The following XKR9 variants were observed in gnomAD, a reference collection of about 807,000 sequenced individuals.
The protein encoded by XKR9 is XK related 9.
A neutral mutation model predicts 32.0 loss-of-function variants in XKR9; 32 were observed. The observed-to-expected ratio is 1.00, with a 90% CI of 0.76 to 1.34. The LOEUF (loss-of-function observed/expected upper bound fraction) is 1.34. Ranked by LOEUF, XKR9 falls within the 40% of genes most tolerant of loss-of-function variation. The probability of loss-of-function intolerance (pLI) is 0.00; values close to 1 mark genes in which losing one functional copy is unlikely to be tolerated. For synonymous variants in XKR9, 168 were observed against 143.4 expected, an observed-to-expected ratio of 1.17 and a Z score of -1.22; for missense variants, 546 against 429.7, an observed-to-expected ratio of 1.27 and a Z score of -2.39.
At chr8:70,899,915 G>A in the XKR9 span, among the ~76,000 whole-genome samples, 2 of 152,032 alleles carry the variant, frequency 1.3e-5, no homozygotes, top group African/African-American at 4.8e-5. Context: ...TTTTTTGAGA[G>A]TATCTGTAGA....
the XKR9 span, among the ~76,000 whole-genome samples, chr8:70,992,150 T>C: frequency 4.3e-4 from 65 of 152,344 alleles, no homozygotes; most frequent in African/African-American, 1.5e-3. Flanking sequence ...TTAGCTAGAG[T>C]TGATAGAGTT....
At chr8:70,785,440 A>G in intron 2 of XKR9, among the ~76,000 whole-genome samples, 1 of 151,714 alleles carries the variant, frequency 6.6e-6, no homozygotes, top group East Asian at 1.9e-4. Context: ...ATCTTTTTAA[A>G]AAATCAACTC....
At chr8:70,736,769 G>C (rs1392400965), downstream of XKR9, among the ~76,000 whole-genome samples, 3 of 151,886 alleles carry the variant, frequency 2.0e-5, no homozygotes, top group African/African-American at 7.3e-5. Context: ...TCAAAGATCA[G>C]ATAGTTGTAG....
At chr8:70,878,409 C>T in the XKR9 span, among the ~76,000 whole-genome samples, 1 of 151,974 alleles carries the variant, frequency 6.6e-6, no homozygotes, top group African/African-American at 2.4e-5. Context: ...TTCAGGAGAC[C>T]CACCTACGTG....
chr8:70,671,374 G>A (rs1469913589), intron 1 of XKR9, among the ~76,000 whole-genome samples: 2 of 54,680 alleles, frequency 3.7e-5, no homozygotes, highest in East Asian at 2.2e-4. Flanking sequence ...GGGTACATGT[G>A]CACATTGTGC....
At chr8:70,719,134 T>C (rs1215644540) in intron 4 of XKR9, among the ~76,000 whole-genome samples, 1 of 152,190 alleles carries the variant, frequency 6.6e-6, no homozygotes, top group Non-Finnish European at 1.5e-5. Context: ...TCTGTTCATA[T>C]CCTTCACTGA....
At chr8:70,832,193 C>G in the XKR9 span, among the ~76,000 whole-genome samples, 1 of 152,298 alleles carries the variant, frequency 6.6e-6, no homozygotes. Context: ...TAGAGTATCA[C>G]ATTTGCATTA....
intron 3 of XKR9, among the ~76,000 whole-genome samples, chr8:70,693,858 C>T (rs539454550): frequency 5.3e-5 from 8 of 152,174 alleles, no homozygotes; most frequent in South Asian, 4.2e-4. Context: ...TTTGTTAGTC[C>T]GAAGGTGGCA....
chr8:70,717,277 G>A (rs1052091550), intron 4 of XKR9, among the ~76,000 whole-genome samples: 19 of 152,176 alleles, frequency 1.2e-4, no homozygotes, highest in African/African-American at 4.6e-4. Context: ...GTGCCTCAGT[G>A]GGGACTCTGT....
At chr8:70,842,923 G>A in the XKR9 span, among the ~76,000 whole-genome samples, 6 of 152,034 alleles carry the variant, frequency 3.9e-5, no homozygotes, top group Non-Finnish European at 5.9e-5. Context: ...ATGAATTTTG[G>A]ACTGAAGAAG....
At chr8:70,812,584 T>G in the XKR9 span, among the ~76,000 whole-genome samples, 8 of 152,228 alleles carry the variant, frequency 5.3e-5, no homozygotes, top group African/African-American at 1.9e-4. Context: ...GATAAGCAAC[T>G]TTGGCAAAGT....
At chr8:71,054,098 G>T in the XKR9 span, among the ~76,000 whole-genome samples, 1 of 152,080 alleles carries the variant, frequency 6.6e-6, no homozygotes, top group Admixed American at 6.5e-5. Flanking sequence ...TGGAGCAGAA[G>T]TACCACCCAG....
the XKR9 span, among the ~76,000 whole-genome samples, chr8:71,028,238 T>C: frequency 6.6e-6 from 1 of 152,248 alleles, no homozygotes; most frequent in Non-Finnish European, 1.5e-5. Flanking sequence ...TCAATTTCTT[T>C]AATCAGTGAT....
chr8:70,907,720 A>T, the XKR9 span, among the ~76,000 whole-genome samples: 1 of 152,234 alleles, frequency 6.6e-6, no homozygotes, highest in Non-Finnish European at 1.5e-5. Flanking sequence ...TTGCTTAAAC[A>T]TGACCTCTAA....
chr8:70,700,490 C>T (rs1170932116), intron 3 of XKR9, among the ~76,000 whole-genome samples: 1 of 152,154 alleles, frequency 6.6e-6, no homozygotes, highest in African/African-American at 2.4e-5. Context: ...GTGGCTGCAG[C>T]ACAGCGGATT....
chr8:71,034,615 T>G, the XKR9 span, among the ~76,000 whole-genome samples: 1 of 152,194 alleles, frequency 6.6e-6, no homozygotes, highest in Non-Finnish European at 1.5e-5. Flanking sequence ...AGAGGCCACA[T>G]GTAGGTGCTC....
intron 4 of XKR9, among the ~76,000 whole-genome samples, chr8:70,727,786 T>C (rs969534095): frequency 3.3e-5 from 5 of 151,838 alleles, no homozygotes; most frequent in African/African-American, 7.3e-5. Context: ...GATGAAATCA[T>C]AGGGAGGAGA....
At chr8:70,928,450 G>GT in the XKR9 span, among the ~76,000 whole-genome samples, 43 of 151,648 alleles carry the variant, frequency 2.8e-4, no homozygotes, top group African/African-American at 9.4e-4. Context: ...CTGTTGAAAA[G>GT]TTTTTTTTTA....
In XKR9 at chr8:70,698,482, T is replaced by C. The variant is rs548114164; in HGVS notation, c.273-8451T>C. 1.4e-4 allele frequency among the ~76,000 whole-genome samples: 22 copies of C among 152,286 alleles called. No homozygotes were observed. The South Asian group carries it at 4.6e-3, about 32-fold the overall frequency. On this transcript the variant is annotated intron_variant, in intron 3 of 4. Transcript: ENST00000408926. ...AGGAGCAGGTTGTTCAGTTTCCATG[T>C]AGTTGAGTGGTTTTGAGTGAGTTTC...
Sources: allele counts gnomAD v4.1 joint callset (sites outside exome capture counted in the v4.1 genomes callset), GRCh38; gene constraint gnomAD v4.1.1; transcripts MANE v1.5; gene names NCBI Gene and HGNC (gene_info 2026-07-23, HGNC 2026-07-21).